The following BTN1A1 variants were observed in gnomAD, a reference collection of about 807,000 sequenced individuals.
BTN1A1 encodes the protein butyrophilin subfamily 1 member A1, also known as bK14H9.2 (butyrophilin, subfamily 1, member A1).
A neutral mutation model predicts 33.1 loss-of-function variants in BTN1A1; 26 were observed. That is an observed-to-expected ratio of 0.79 (90% CI 0.58 to 1.09). The LOEUF is 1.09. Ranked by LOEUF, BTN1A1 falls within the 50% of genes least tolerant of loss-of-function variation. The pLI is 0.00. For missense variants in BTN1A1, 558 were observed against 655.7 expected, an observed-to-expected ratio of 0.85 and a Z score of 1.63; for synonymous variants, 235 against 256.2, an observed-to-expected ratio of 0.92 and a Z score of 0.79.
intron 3 of BTN1A1, among the ~76,000 whole-genome samples, 197 bp downstream of exon 3, chr6:26,502,134 T>C (rs1252440442): frequency 6.6e-6 from 1 of 152,098 alleles, no homozygotes; most frequent in Non-Finnish European, 1.5e-5. Flanking sequence ...GAAAGGCAGA[T>C]TTACTTTTAA....
Position 26,502,481 on chromosome 6 carries a change from A to ACTGATTTCCTACT in BTN1A1, c.427+544_427+545insCTGATTTCCTACT, listed in dbSNP as rs539724903. 4.9e-3 allele frequency among the ~76,000 whole-genome samples: 749 copies of ACTGATTTCCTACT among 152,368 alleles called. 2 individuals are homozygous for ACTGATTTCCTACT. The highest frequency in any genetic ancestry group is 0.017 in the African/African-American group (695 of 41,594). On this transcript the variant is annotated intron_variant, in intron 3 of 7. Transcript: ENST00000684113. ...TAGAAGGTACTGAAGGTCCTACAGT[A>ACTGATTTCCTACT]GGAAATCAGTGAGAAAGGGTTTTGA... is the stretch of plus-strand genomic sequence containing the variant.
Position 26,508,878 on chromosome 6 carries a change from G to A in BTN1A1, c.1285G>A (p.Glu429Lys). 1 of 1,614,178 alleles carries A rather than the reference G, an allele frequency of 6.2e-7. No individual in the cohort carries two copies. Residue 429 changes from glutamate (E) to lysine (K), a missense_variant, in exon 8 of 8, where the codon GAA becomes AAA. Glu to Lys is a moderately conservative substitution (Grantham distance 56). Coordinates refer to ENST00000684113, the MANE Select transcript of BTN1A1 (RefSeq NM_001732.3). ...CCGGGTTGGGATTTTCCTAGACTAT[G>A]AATCAGGAGACATCTCCTTCTACAA... ...PRRVGIFLDY[E>K]SGDISFYNMN...
At chr6:26,507,926 G>A in intron 5 of BTN1A1, 24 bp from the exon 6 acceptor site, 3 of 1,613,752 alleles carry the variant, frequency 1.9e-6, no homozygotes, top group Non-Finnish European at 2.5e-6. Context: ...GAAAGCCATT[G>A]AGGTATTTTT....
In BTN1A1 at chr6:26,507,964, G is replaced by A; in HGVS notation, c.874G>A (p.Glu292Lys). The A allele has an allele frequency of 1.9e-6, 3 of 1,614,154 alleles. No homozygotes were observed. Among genetic ancestry groups the A allele is most frequent in the Non-Finnish European group, 2.5e-6 (3 of 1,180,012 alleles). The change falls in exon 6 of 8, where the codon GAA becomes AAA. Residue 292 changes from glutamate to lysine, a missense_variant. By Grantham distance (56) the Glu-to-Lys change is moderately conservative. Coordinates refer to ENST00000684113, the MANE Select transcript of BTN1A1 (RefSeq NM_001732.3). ...EFSSKERLLE[E>K]LKWKKATLHA... The stretch of plus-strand genomic sequence containing the variant: ...TTGTTTTCCAGAGAGACTCCTGGAA[G>A]AACTCAGTAAGTTCTGTCTTCTTGT...
In BTN1A1 at chr6:26,501,662, G is replaced by C. The variant is rs1490579990; in HGVS notation, c.152G>C (p.Arg51Pro). Residue 51 changes from arginine (R) to proline (P), a missense_variant, in exon 3 of 8, where the codon CGC becomes CCC. Physicochemically the swap from Arg to Pro is moderately radical, Grantham distance 103. Coordinates refer to ENST00000684113, the MANE Select transcript of BTN1A1 (RefSeq NM_001732.3). The surrounding 1 kb of genome is among the most constrained non-coding windows in gnomAD (Gnocchi z 5.2). ...VVGEDAELPC[R>P]LSPNASAEHL... ...GGTGAGGACGCCGAGCTGCCCTGTC[G>C]CCTGTCTCCGAACGCGAGCGCCGAG... 1 of 1,613,856 alleles carries C rather than the reference G, an allele frequency of 6.2e-7. No individual in the cohort carries two copies. The highest frequency in any genetic ancestry group is 8.5e-7 in the Non-Finnish European group (1 of 1,179,970).
At chr6:26,506,240 A>G (rs1763868621) in intron 4 of BTN1A1, among the ~76,000 whole-genome samples, 1 of 152,162 alleles carries the variant, frequency 6.6e-6, no homozygotes, top group Non-Finnish European at 1.5e-5. Flanking sequence ...CTCAGGGAAG[A>G]AAATCCTCTC....
chr6:26,501,768 G>A lies in BTN1A1; in HGVS notation c.258G>A (p.Glu86=). 1.2e-6 allele frequency: 2 copies of A among 1,613,724 alleles called. No homozygotes were observed. The highest frequency in any genetic ancestry group is 1.7e-6 in the Non-Finnish European group (2 of 1,179,958). The change falls in exon 3 of 8, where the codon GAG becomes GAA. Residue 86 remains glutamate (E), a synonymous_variant. Transcript: ENST00000684113. The surrounding 1 kb of genome is among the most constrained non-coding windows in gnomAD (Gnocchi z 5.2). ...VHRDGREQEA[E]QMPEYRGRAT... ...GGGACGGGCGCGAGCAGGAAGCCGAGCAGATGCCCGAGTACCGCGGGCGGG... is the reference window on the plus strand; with the variant it reads ...GGGACGGGCGCGAGCAGGAAGCCGAACAGATGCCCGAGTACCGCGGGCGGG...
chr6:26,508,215 G>T, intron 7 of BTN1A1, 128 bp downstream of exon 7: 2 of 1,242,794 alleles, frequency 1.6e-6, no homozygotes, highest in Middle Eastern at 2.1e-4. Flanking sequence ...GGTGATGACA[G>T]ATGGCCTCAA....
rs997757322 is a variant in BTN1A1 at position 26,510,223 on chromosome 6, C to G, written c.*1049C>G. On this transcript the variant is annotated 3_prime_UTR_variant, in exon 8 of 8. Transcript: ENST00000684113. ...ACATGCTGCCTCTCCTCAGGGTCCC[C>G]TGAATGCTGCATCATTGTGTTCAGT... 9 of 152,586 alleles carry G rather than the reference C, an allele frequency of 5.9e-5. No homozygotes were observed. The highest frequency in any genetic ancestry group is 2.2e-4 in the African/African-American group (9 of 41,464). The allele number at this position is 152,586 out of a possible 1,614,324, so 9.5% of individuals were successfully genotyped here.
At position 26,504,897 on chromosome 6, in the gene BTN1A1, A is replaced by G. The variant is rs771594187; in HGVS notation, c.428-28A>G. ...AGGCTCCCAAAAGGGGTCCGCTAAA[A>G]CATTAAGTCCAGATTCTCTCTCCAT... is the stretch of plus-strand genomic sequence containing the variant. On this transcript the variant is annotated intron_variant, in intron 3 of 7. Transcript: ENST00000684113. 1.9e-6 allele frequency: 3 copies of G among 1,605,194 alleles called. No homozygotes were observed. In the South Asian group the frequency reaches 3.3e-5, roughly 18 times the overall value.
chr6:26,501,798 G>A lies in BTN1A1; in HGVS notation c.288G>A (p.Thr96=). ...EQMPEYRGRA[T]LVQDGIAKGR... is the part of the protein sequence containing the mutation. ...TGCCCGAGTACCGCGGGCGGGCGAC[G>A]CTGGTCCAGGACGGCATCGCCAAGG... The change falls in exon 3 of 8, where the codon ACG becomes ACA. Residue 96 remains threonine (T), a synonymous_variant. Coordinates refer to ENST00000684113, the MANE Select transcript of BTN1A1 (RefSeq NM_001732.3). This position sits in a 1 kb window ranked among gnomAD's most constrained non-coding sequence, Gnocchi z 5.2. 3 of 1,613,598 alleles carry A rather than the reference G, an allele frequency of 1.9e-6. No homozygotes were observed. Among genetic ancestry groups the A allele is most frequent in the African/African-American group, 1.3e-5 (1 of 75,060 alleles).
intron 3 of BTN1A1, among the ~76,000 whole-genome samples, chr6:26,503,067 A>C (rs1052211405): frequency 2.0e-5 from 3 of 152,122 alleles, no homozygotes; most frequent in Non-Finnish European, 4.4e-5. Context: ...GCCAACTCCT[A>C]TAATCTCAGC....
Position 26,508,496 on chromosome 6 carries a change from T to C in BTN1A1, c.908-5T>C, listed in dbSNP as rs901579443. On this transcript the variant is annotated splice_polypyrimidine_tract_variant and splice_region_variant and intron_variant, in intron 7 of 7. Coordinates refer to ENST00000684113, the MANE Select transcript of BTN1A1 (RefSeq NM_001732.3). ...ATGTCAGACCTGCTGTTTCTTTCTCTCCAGTTGATGTGACTCTGGACCCAG... is the reference window on the plus strand; with the variant it reads ...ATGTCAGACCTGCTGTTTCTTTCTCCCCAGTTGATGTGACTCTGGACCCAG... The C allele has an allele frequency of 3.1e-6, 5 of 1,607,508 alleles. No individual in the cohort carries two copies. The Admixed American group carries it at 6.7e-5, about 22-fold the overall frequency.
At chr6:26,505,749 G>T (rs1763860595) in intron 4 of BTN1A1, among the ~76,000 whole-genome samples, 2 of 151,966 alleles carry the variant, frequency 1.3e-5, no homozygotes, top group Non-Finnish European at 2.9e-5. Flanking sequence ...TCCATTTCAG[G>T]AGATCTAAGT....
rs1452988435 is a variant in BTN1A1 at position 26,508,812 on chromosome 6, A to T, written c.1219A>T (p.Thr407Ser). Reference protein sequence around the residue: ...ELYGNGYWALTPLRTPLPLAG... With the variant: ...ELYGNGYWALSPLRTPLPLAG... Reference sequence around the variant, plus strand: ...GTATGGAAATGGGTACTGGGCCCTCACTCCTCTCCGGACCCCTCTCCCATT... The same window carrying T: ...GTATGGAAATGGGTACTGGGCCCTCTCTCCTCTCCGGACCCCTCTCCCATT... The change falls in exon 8 of 8, where the codon ACT (threonine) becomes TCT (serine). Residue 407 changes from threonine (T) to serine (S), a missense_variant. Coordinates refer to ENST00000684113, the MANE Select transcript of BTN1A1 (RefSeq NM_001732.3). 4 of 1,613,420 alleles carry T rather than the reference A, an allele frequency of 2.5e-6. No homozygotes were observed. The African/African-American group carries it at 4.0e-5, about 16-fold the overall frequency.
chr6:26,501,597 T>A lies in BTN1A1; in HGVS notation c.87T>A (p.Phe29Leu). Residue 29 changes from phenylalanine to leucine, a missense_variant, in exon 3 of 8, where the codon TTT becomes TTA. Physicochemically the swap from Phe to Leu is conservative, Grantham distance 22. Transcript: ENST00000684113. This position sits in a 1 kb window ranked among gnomAD's most constrained non-coding sequence, Gnocchi z 5.2. ...LQLPKLDSAPFDVIGPPEPIL... is the reference protein window; with the variant it reads ...LQLPKLDSAPLDVIGPPEPIL... ...CCGCTCGTTTTTCGGCAGCTCCCTT[T>A]GACGTGATTGGACCCCCGGAGCCCA... 1 of 1,613,446 alleles carries A rather than the reference T, an allele frequency of 6.2e-7. No individual in the cohort carries two copies. Among genetic ancestry groups the A allele is most frequent in the East Asian group, 2.2e-5 (1 of 44,876 alleles).
chr6:26,505,292 A>C, intron 4 of BTN1A1, 86 bp downstream of exon 4: 91 of 1,365,020 alleles, frequency 6.7e-5, no homozygotes, highest in Non-Finnish European at 7.9e-5. Context: ...ATGTGACCTC[A>C]TGGCAGAGTT....
At chr6:26,505,907 A>G (rs1020933517) in intron 4 of BTN1A1, among the ~76,000 whole-genome samples, 9 of 151,888 alleles carry the variant, frequency 5.9e-5, no homozygotes, top group Admixed American at 2.0e-4. Context: ...TCACAAGGTC[A>G]GGAGATCGAG....
chr6:26,501,377 T>C lies in BTN1A1; in HGVS notation c.79+12T>C, dbSNP rs1763795923. The stretch of plus-strand genomic sequence containing the variant: ...CAAACTGGATTCAGGTAAGTCTCTC[T>C]CTCTCTCTGGGCTGCATAGTTGAAA... On this transcript the variant is annotated intron_variant, in intron 2 of 7. Coordinates refer to ENST00000684113, the MANE Select transcript of BTN1A1 (RefSeq NM_001732.3). This position sits in a 1 kb window ranked among gnomAD's most constrained non-coding sequence, Gnocchi z 5.2. The C allele has an allele frequency of 5.6e-6, 9 of 1,608,868 alleles. No homozygotes were observed. Among genetic ancestry groups the C allele is most frequent in the Non-Finnish European group, 7.7e-6 (9 of 1,175,204 alleles).
Sources: gnomAD v4.1 joint callset for allele counts (sites outside exome capture counted in the v4.1 genomes callset) on GRCh38, gnomAD v4.1.1 for gene constraint, Gnocchi (gnomAD v3.1) non-coding constraint, MANE v1.5 for transcripts, NCBI Gene and HGNC (gene_info 2026-07-23, HGNC 2026-07-21) for gene names.